MSRA: variants seen among roughly 807,000 people sequenced by gnomAD.
MSRA encodes the protein mitochondrial peptide methionine sulfoxide reductase.
A neutral mutation model predicts 31.3 loss-of-function variants in MSRA; 54 were observed. The ratio of observed to expected loss-of-function variants is 1.73; its 90% CI spans 1.39 to 2.17. The LOEUF (loss-of-function observed/expected upper bound fraction) is 2.17, where lower values mean the gene tolerates loss of function less well. Ranked by LOEUF, MSRA falls within the 30% of genes most tolerant of loss-of-function variation. The pLI is 0.00. For missense variants in MSRA, 507 were observed against 300.9 expected (o/e 1.69, Z -5.07); for synonymous variants, 169 against 116.5 (o/e 1.45, Z -2.90).
intron 5 of MSRA, among the ~76,000 whole-genome samples, chr8:10,335,372 C>T (rs939342153): frequency 2.0e-5 from 3 of 149,212 alleles, no homozygotes; most frequent in African/African-American, 4.9e-5. Flanking sequence ...TTCCATTTAC[C>T]TTGGCCATGC....
chr8:10,054,706 G>A (rs1266102655), intron 1 of MSRA, 48 bp downstream of exon 1: 1 of 1,447,244 alleles, frequency 6.9e-7, no homozygotes, highest in Non-Finnish European at 9.2e-7. Flanking sequence ...CTGCGCATGC[G>A]CGCCTTTGCC....
At chr8:10,184,512 T>G (rs899698043) in intron 1 of MSRA, among the ~76,000 whole-genome samples, 1 of 152,122 alleles carries the variant, frequency 6.6e-6, no homozygotes, top group African/African-American at 2.4e-5. Context: ...TTAAATGGCT[T>G]GATTTACATT....
intron 3 of MSRA, among the ~76,000 whole-genome samples, chr8:10,287,224 C>G (rs1799984416): frequency 6.6e-6 from 1 of 152,106 alleles, no homozygotes; most frequent in African/African-American, 2.4e-5. Flanking sequence ...ACCATTAGCT[C>G]CAATGTTTAT....
At chr8:10,141,243 C>T (rs1802680148) in intron 1 of MSRA, among the ~76,000 whole-genome samples, 2 of 152,142 alleles carry the variant, frequency 1.3e-5, no homozygotes, top group African/African-American at 4.8e-5. Flanking sequence ...TGTGCCTCGC[C>T]CCTCACGCCT....
intron 5 of MSRA, among the ~76,000 whole-genome samples, chr8:10,368,249 C>T (rs933370326): frequency 1.3e-5 from 2 of 152,228 alleles, no homozygotes; most frequent in Non-Finnish European, 2.9e-5. Flanking sequence ...ACTTTTAACG[C>T]ATTTTTACAG....
chr8:10,362,145 C>G (rs1343757623), intron 5 of MSRA, among the ~76,000 whole-genome samples: 1 of 152,118 alleles, frequency 6.6e-6, no homozygotes, highest in Non-Finnish European at 1.5e-5. Flanking sequence ...CAGTTTTCCT[C>G]CTTGTAAAAT....
At chr8:10,325,613 TAA>T (rs2129141091) in intron 5 of MSRA, among the ~76,000 whole-genome samples, 1 of 152,376 alleles carries the variant, frequency 6.6e-6, no homozygotes, top group South Asian at 2.1e-4. Flanking sequence ...ATATAACTGA[TAA>T]TACAAACATT....
intron 1 of MSRA, among the ~76,000 whole-genome samples, chr8:10,168,376 C>G (rs1323297052): frequency 6.6e-6 from 1 of 152,144 alleles, no homozygotes; most frequent in Non-Finnish European, 1.5e-5. Flanking sequence ...GTGCTATCAT[C>G]CCTGGCCAAC....
chr8:10,328,150 T>C (rs1802484057), intron 5 of MSRA, among the ~76,000 whole-genome samples: 2 of 150,218 alleles, frequency 1.3e-5, no homozygotes, highest in Admixed American at 1.3e-4. Context: ...CTACTTGTTA[T>C]CGCCACTTGT....
intron 1 of MSRA, among the ~76,000 whole-genome samples, chr8:10,169,869 A>G (rs1015836543): frequency 6.8e-6 from 1 of 146,224 alleles, no homozygotes; most frequent in African/African-American, 2.5e-5. Flanking sequence ...AAGCTCACTT[A>G]TTTGTTCTTG....
chr8:10,411,281 G>A (rs1340527481), intron 5 of MSRA: 2 of 152,160 alleles, frequency 1.3e-5, no homozygotes, highest in Admixed American at 6.5e-5. Flanking sequence ...ACAGCCTTTT[G>A]TGGGCCGTCC....
intron 3 of MSRA, among the ~76,000 whole-genome samples, chr8:10,248,438 C>G (rs540139197): frequency 6.6e-6 from 1 of 152,240 alleles, no homozygotes; most frequent in African/African-American, 2.4e-5. Flanking sequence ...TGTGATGACG[C>G]ACATCAGAGC....
chr8:10,323,778 G>GTGTC (rs1802197758), intron 5 of MSRA, among the ~76,000 whole-genome samples: 3 of 149,264 alleles, frequency 2.0e-5, no homozygotes, highest in South Asian at 2.1e-4. Context: ...GTGTGTGTCT[G>GTGTC]TGTCTGTCTG....
intron 1 of MSRA, among the ~76,000 whole-genome samples, chr8:10,101,970 T>A (rs1255663141): frequency 6.6e-6 from 1 of 152,198 alleles, no homozygotes; most frequent in Non-Finnish European, 1.5e-5. Flanking sequence ...TCCCTTCTTT[T>A]GCCTTTGTGT....
At chr8:10,227,371 T>G (rs962745103) in intron 2 of MSRA, among the ~76,000 whole-genome samples, 1 of 152,130 alleles carries the variant, frequency 6.6e-6, no homozygotes. Context: ...TCTCATTAGA[T>G]CTGTGAAGGG....
At chr8:10,260,178 G>A (rs901013601) in intron 3 of MSRA, among the ~76,000 whole-genome samples, 7 of 152,242 alleles carry the variant, frequency 4.6e-5, no homozygotes, top group Non-Finnish European at 1.0e-4. Flanking sequence ...GTGTGGGCGA[G>A]CCATTGATGC....
chr8:10,219,872 T>TTTTG (rs1180199260), intron 2 of MSRA, among the ~76,000 whole-genome samples: 1 of 151,396 alleles, frequency 6.6e-6, no homozygotes, highest in South Asian at 2.1e-4. Flanking sequence ...TTTGGTTTTT[T>TTTTG]TTTGTTTGTT....
At chr8:10,151,847 C>T (rs1327662190) in intron 1 of MSRA, among the ~76,000 whole-genome samples, 2 of 152,198 alleles carry the variant, frequency 1.3e-5, no homozygotes, top group African/African-American at 4.8e-5. Flanking sequence ...GCCATGTCTC[C>T]ACCCTTTAGT....
At chr8:10,426,000 G>A (rs1385086702) in intron 5 of MSRA, among the ~76,000 whole-genome samples, 1 of 152,138 alleles carries the variant, frequency 6.6e-6, no homozygotes, top group East Asian at 1.9e-4. Flanking sequence ...CACAGACGTC[G>A]TCCTTATTGT....
Sources: allele counts gnomAD v4.1 joint callset (sites outside exome capture counted in the v4.1 genomes callset), GRCh38; gene constraint gnomAD v4.1.1; transcripts MANE v1.5; gene names NCBI Gene and HGNC (gene_info 2026-07-23, HGNC 2026-07-21).